Variants in ZNF665 observed in about 807,000 individuals in gnomAD.
ZNF665 encodes zinc finger protein 665.
Under a neutral mutation model 7.9 loss-of-function variants are expected in ZNF665, and 6 were observed. The observed-to-expected ratio is 0.76, with a 90% CI of 0.42 to 1.50. ZNF665 has a LOEUF of 1.50. ZNF665 is among the 40% of genes most tolerant of loss of function. The pLI, the probability that ZNF665 is intolerant of heterozygous loss-of-function variation, is 0.01. For synonymous variants in ZNF665, 242 were observed against 274.5 expected, an observed-to-expected ratio of 0.88 and a Z score of 1.17; for missense variants, 819 against 806.7, an observed-to-expected ratio of 1.02 and a Z score of -0.18.
Position 53,164,885 on chromosome 19 carries a change from T to C in ZNF665, c.1605A>G (p.Ile535Met). The C allele has an allele frequency of 1.9e-6, 3 of 1,614,064 alleles. 1 individual carries two copies. Among genetic ancestry groups the C allele is most frequent in the Middle Eastern group, 3.3e-4 (2 of 6,062 alleles). ...VHSSLTIHQT[I>M]HTGQKPYKCN... is the part of the protein sequence containing the mutation. ...ATTTGTATGGTTTTTGTCCAGTATG[T>C]ATTGTCTGATGTATAGTTAGGCTTG... Residue 535 changes from isoleucine to methionine, a missense_variant, in exon 4 of 4, where the codon ATA becomes ATG. Ile to Met is a conservative substitution (Grantham distance 10). Coordinates refer to ENST00000396424, the MANE Select transcript of ZNF665 (RefSeq NM_024733.5).
Position 53,177,362 on chromosome 19 carries a change from C to T in ZNF665, c.16-1791G>A, listed in dbSNP as rs540737826. ...CCTGTAATCCTAGCACTTTGGGAGGCCAAGGTGGGGTAATCACTTGAGGTC... is the reference window on the plus strand; with the variant it reads ...CCTGTAATCCTAGCACTTTGGGAGGTCAAGGTGGGGTAATCACTTGAGGTC... On this transcript the variant is annotated intron_variant, in intron 2 of 3. Transcript: ENST00000396424. 2.3e-4 allele frequency among the ~76,000 whole-genome samples: 35 copies of T among 151,954 alleles called. 1 individual carries two copies. In the East Asian group the frequency reaches 5.1e-3, roughly 22 times the overall value.
At chr19:53,170,377 C>T (rs1461415082) in intron 3 of ZNF665, among the ~76,000 whole-genome samples, 2 of 152,122 alleles carry the variant, frequency 1.3e-5, no homozygotes, top group African/African-American at 2.4e-5. Flanking sequence ...TTACCACATC[C>T]ATCATGTGAA....
At position 53,182,364 on chromosome 19, in the gene ZNF665, C is replaced by T. The variant is rs772819644; in HGVS notation, c.15+520G>A. 1.0e-3 allele frequency: 316 copies of T among 312,982 alleles called. 2 individuals carry two copies. Among genetic ancestry groups the T allele is most frequent in the Admixed American group, 3.5e-3 (77 of 22,120 alleles). 19.4% of individuals were successfully genotyped at this position (312,982 alleles called of 1,614,324 possible). On this transcript the variant is annotated intron_variant, in intron 2 of 3. Coordinates refer to ENST00000396424, the MANE Select transcript of ZNF665 (RefSeq NM_024733.5). The stretch of plus-strand genomic sequence containing the variant: ...CCAGCCTAGGCGACAGAGCGAGACT[C>T]TGTCTCAACAAAAACAACAAAAAAA...
At chr19:53,184,956 C>T (rs1369742517) in intron 1 of ZNF665, among the ~76,000 whole-genome samples, 2 of 152,204 alleles carry the variant, frequency 1.3e-5, no homozygotes, top group Non-Finnish European at 2.9e-5. Context: ...ACAGCTTACA[C>T]TATTATTTCT....
chr19:53,183,824 AAAAGG>A (rs2090756679), intron 1 of ZNF665, among the ~76,000 whole-genome samples: 1 of 152,134 alleles, frequency 6.6e-6, no homozygotes, highest in Non-Finnish European at 1.5e-5. Context: ...GGGACCCCGG[AAAAGG>A]AAAGGGGCCT....
chr19:53,184,735 C>G (rs557943991), intron 1 of ZNF665, among the ~76,000 whole-genome samples: 1 of 152,096 alleles, frequency 6.6e-6, no homozygotes, highest in African/African-American at 2.4e-5. Flanking sequence ...CAGCTGGGCC[C>G]GGGGGACCAC....
At chr19:53,170,700 C>G (rs748642968) in intron 3 of ZNF665, among the ~76,000 whole-genome samples, 2 of 152,158 alleles carry the variant, frequency 1.3e-5, no homozygotes, top group Non-Finnish European at 2.9e-5. Context: ...TTTCATAACT[C>G]GACTATTGTG....
intron 1 of ZNF665, among the ~76,000 whole-genome samples, chr19:53,191,394 T>C (rs1341906830): frequency 6.6e-6 from 1 of 152,144 alleles, no homozygotes; most frequent in Non-Finnish European, 1.5e-5. Flanking sequence ...CATAACTGAA[T>C]GAGTCAAGTC....
At position 53,164,758 on chromosome 19, in the gene ZNF665, C is replaced by G. The variant is rs201975096; in HGVS notation, c.1732G>C (p.Ala578Pro). 2.8e-5 allele frequency: 45 copies of G among 1,614,214 alleles called. No homozygotes were observed. In the African/African-American group the frequency reaches 4.7e-4, roughly 17 times the overall value. Residue 578 changes from alanine (A) to proline (P), a missense_variant, in exon 4 of 4, where the codon GCA becomes CCA. Coordinates refer to ENST00000396424, the MANE Select transcript of ZNF665 (RefSeq NM_024733.5). ...KPYKCNECGKAFSVHSNLATH... is the reference protein window; with the variant it reads ...KPYKCNECGKPFSVHSNLATH... ...GCTAGGTTTGAATGTACACTAAATG[C>G]TTTGCCGCACTCATTACACTTATAA...
chr19:53,165,692 C>T lies in ZNF665; in HGVS notation c.798G>A (p.Glu266=), dbSNP rs1307866457. The T allele has an allele frequency of 1.9e-6, 3 of 1,614,044 alleles. No individual in the cohort carries two copies. Among genetic ancestry groups the T allele is most frequent in the Non-Finnish European group, 2.5e-6 (3 of 1,180,040 alleles). ...HTGEKPYKCN[E]CGKAFRAHSK... ...AATGTGCTCTAAAGGCTTTGCCACA[C>T]TCATTACACTTGTAAGGTTTCTCTC... The change falls in exon 4 of 4, where the codon GAG becomes GAA. Residue 266 remains glutamate (E), a synonymous_variant. Coordinates refer to ENST00000396424, the MANE Select transcript of ZNF665 (RefSeq NM_024733.5).
intron 2 of ZNF665, 67 bp from the exon 3 acceptor site, chr19:53,175,638 AGAG>A: frequency 6.5e-7 from 1 of 1,534,868 alleles, no homozygotes; most frequent in Non-Finnish European, 8.8e-7. Context: ...TAAAACAAGA[AGAG>A]GAGAGAGCTG....
chr19:53,172,325 A>T (rs2090664290), intron 3 of ZNF665, among the ~76,000 whole-genome samples: 1 of 152,136 alleles, frequency 6.6e-6, no homozygotes, highest in Admixed American at 6.6e-5. Flanking sequence ...TTTTATTTTT[A>T]TTTTTTTGAG....
chr19:53,163,483 A>C lies in ZNF665; in HGVS notation c.*970T>G, dbSNP rs973779362. ...CAGACTATATTTAATTTTAAAAGGCAGAGTCTTTTTTCTTCAGGAGCTTGG... is the reference window on the plus strand; with the variant it reads ...CAGACTATATTTAATTTTAAAAGGCCGAGTCTTTTTTCTTCAGGAGCTTGG... On this transcript the variant is annotated 3_prime_UTR_variant, in exon 4 of 4. Transcript: ENST00000396424. 16 of 152,212 alleles carry C rather than the reference A, an allele frequency of 1.1e-4. No homozygotes were observed. The highest frequency in any genetic ancestry group is 1.9e-4 in the Non-Finnish European group (13 of 68,044). 9.4% of individuals were successfully genotyped at this position (152,212 alleles called of 1,614,324 possible). A position where few individuals can be genotyped will look rare whatever the true frequency, so the allele number is the denominator to read the frequency against.
intron 1 of ZNF665, 126 bp from the exon 2 acceptor site, chr19:53,183,069 A>G: frequency 9.6e-7 from 1 of 1,042,544 alleles, no homozygotes; most frequent in Admixed American, 1.9e-5. Flanking sequence ...CCTTATACAC[A>G]GGGAAGATGG....
chr19:53,191,859 G>A (rs768995825), intron 1 of ZNF665: 2 of 152,068 alleles, frequency 1.3e-5, no homozygotes, highest in Non-Finnish European at 2.9e-5. Flanking sequence ...AAAAAAATTT[G>A]TTAGATTATG....
chr19:53,174,424 A>G (rs1483244030), intron 3 of ZNF665, among the ~76,000 whole-genome samples: 1 of 152,188 alleles, frequency 6.6e-6, no homozygotes, highest in East Asian at 1.9e-4. Flanking sequence ...ATCACAGGAT[A>G]TAAACTTTTA....
At position 53,165,004 on chromosome 19, in the gene ZNF665, T is replaced by C. The variant is rs990834644; in HGVS notation, c.1486A>G (p.Ser496Gly). The C allele has an allele frequency of 1.2e-6, 2 of 1,614,136 alleles. No homozygotes were observed. The highest frequency in any genetic ancestry group is 1.7e-6 in the Non-Finnish European group (2 of 1,180,000). The stretch of plus-strand genomic sequence containing the variant: ...TGCCTTGCAAGTTGTGATGTTTGAC[T>C]GAAGGCTTTACCACATTCATCACAC... Reference protein sequence around the residue: ...YKCDECGKAFSQTSQLARHWR... With the variant: ...YKCDECGKAFGQTSQLARHWR... The change falls in exon 4 of 4, where the codon AGT becomes GGT. Residue 496 changes from serine to glycine, a missense_variant. Physicochemically the swap from Ser to Gly is moderately conservative, Grantham distance 56 (BLOSUM62 0). Transcript: ENST00000396424.
chr19:53,166,073 A>G lies in ZNF665; in HGVS notation c.417T>C (p.Asn139=), dbSNP rs751461693. Reference sequence around the variant, plus strand: ...GTGACTGAAAGCTTACTCCAAGCTGATTTTCAATATGCCTGTTTCCTGCAG... The same window carrying G: ...GTGACTGAAAGCTTACTCCAAGCTGGTTTTCAATATGCCTGTTTCCTGCAG... ...RRAAGNRHIE[N]QLGVSFQSHL... The change falls in exon 4 of 4, where the codon AAT becomes AAC. Residue 139 remains asparagine (N), a synonymous_variant. Coordinates refer to ENST00000396424, the MANE Select transcript of ZNF665 (RefSeq NM_024733.5). 1.4e-5 allele frequency: 22 copies of G among 1,613,964 alleles called. No homozygotes were observed. In the Admixed American group the frequency reaches 3.7e-4, roughly 27 times the overall value.
At chr19:53,185,297 G>A (rs1018600797) in intron 1 of ZNF665, among the ~76,000 whole-genome samples, 1 of 152,066 alleles carries the variant, frequency 6.6e-6, no homozygotes, top group South Asian at 2.1e-4. Context: ...CCCAGACGCT[G>A]GCGTCACCGC....
Sources: gnomAD v4.1 joint callset for allele counts (sites outside exome capture counted in the v4.1 genomes callset) on GRCh38, gnomAD v4.1.1 for gene constraint, MANE v1.5 for transcripts, NCBI Gene and HGNC (gene_info 2026-07-23, HGNC 2026-07-21) for gene names.